HSPG2: variants seen among roughly 807,000 people sequenced by gnomAD.
HSPG2 encodes heparan sulfate proteoglycan 2, also known as basement membrane-specific heparan sulfate proteoglycan core protein.
HSPG2 carries 278 observed loss-of-function variants against 526.6 expected under a neutral mutation model. The ratio of observed to expected loss-of-function variants is 0.53; its 90% confidence interval spans 0.48 to 0.58. The LOEUF (loss-of-function observed/expected upper bound fraction) is 0.58, where lower values mean the gene tolerates loss of function less well. HSPG2 is among the 20% of genes least tolerant of loss of function. HSPG2 has a pLI of 0.00. For synonymous variants in HSPG2, 2,465 were observed against 2,555.4 expected, an observed-to-expected ratio of 0.96 and a Z score of 1.07; for missense variants, 5,354 against 6,099.5, an observed-to-expected ratio of 0.88 and a Z score of 4.07.
intron 39 of HSPG2, among the ~76,000 whole-genome samples, chr1:21,860,776 C>T (rs765983377): frequency 2.0e-5 from 3 of 152,214 alleles, no homozygotes; most frequent in Non-Finnish European, 2.9e-5. Context: ...TGAGCCACCA[C>T]GCCTGGCCAG....
At position 21,833,852 on chromosome 1, in the gene HSPG2, G is replaced by C; in HGVS notation, c.10794C>G (p.Ala3598=). The C allele has an allele frequency of 6.2e-7, 1 of 1,604,834 alleles. No individual in the cohort carries two copies. Among genetic ancestry groups the C allele is most frequent in the Non-Finnish European group, 8.5e-7 (1 of 1,175,612 alleles). ...TGATGTCAGGAGTGGGGTAGCCTGA[G>C]GCTATGCAGGGGAAGACAGCTGCAG... ...AGSAAVFPCI[A]SGYPTPDISW... The change falls in exon 78 of 97, where the codon GCC becomes GCG. Residue 3598 remains alanine, a synonymous_variant. Coordinates refer to ENST00000374695, the MANE Select transcript of HSPG2 (RefSeq NM_005529.7).
chr1:21,884,717 G>A lies in HSPG2; in HGVS notation c.1508-43C>T, dbSNP rs1476544065. 2.5e-6 allele frequency: 4 copies of A among 1,610,610 alleles called. No individual in the cohort carries two copies. In the African/African-American group the frequency reaches 5.3e-5, roughly 22 times the overall value. ...CGGGGGCTGCAGCCGGCTGTGGTGG[G>A]CAGCCCGGCTCTGCCCCCACACCCG... On this transcript the variant is annotated intron_variant, in intron 12 of 96. Transcript: ENST00000374695.
At chr1:21,911,047 G>T (rs1262354041) in intron 1 of HSPG2, among the ~76,000 whole-genome samples, 1 of 152,184 alleles carries the variant, frequency 6.6e-6, no homozygotes, top group African/African-American at 2.4e-5. Flanking sequence ...ACTGGGTGGG[G>T]AGCCAGGAGC....
rs117917442 is a variant in HSPG2, at chr1:21,865,078, G to A, written c.4396-5C>T. 3.5e-4 allele frequency: 553 copies of A among 1,560,918 alleles called. 9 individuals are homozygous for A. The East Asian group carries it at 0.012, about 34-fold the overall frequency. On this transcript the variant is annotated splice_polypyrimidine_tract_variant and splice_region_variant and intron_variant, in intron 35 of 96. Coordinates refer to ENST00000374695, the MANE Select transcript of HSPG2 (RefSeq NM_005529.7). The surrounding 1 kb of genome is among the most constrained non-coding windows in gnomAD (Gnocchi z 5.4). ...ATCGGGCCGGCGCCAGAATTCCTGG[G>A]TTGGGGGTGGCAACGTGGGCGGGGG...
At chr1:21,932,672 G>C (rs1013122310) in intron 1 of HSPG2, among the ~76,000 whole-genome samples, 1 of 152,214 alleles carries the variant, frequency 6.6e-6, no homozygotes. Context: ...ACCAGAAAGA[G>C]GGAGAGGGTC....
At chr1:21,918,831 G>A (rs893093618) in intron 1 of HSPG2, among the ~76,000 whole-genome samples, 11 of 152,212 alleles carry the variant, frequency 7.2e-5, no homozygotes, top group Non-Finnish European at 1.2e-4. Flanking sequence ...CATAGTCAGC[G>A]TTCTCCAAAT....
chr1:21,833,847 C>A lies in HSPG2; in HGVS notation c.10799G>T (p.Gly3600Val). 1 of 1,603,866 alleles carries A rather than the reference C, an allele frequency of 6.2e-7. No individual in the cohort carries two copies. Among genetic ancestry groups the A allele is most frequent in the Non-Finnish European group, 8.5e-7 (1 of 1,175,068 alleles). ...CCAGCTGATGTCAGGAGTGGGGTAG[C>A]CTGAGGCTATGCAGGGGAAGACAGC... The part of the protein sequence containing the change: ...SAAVFPCIAS[G>V]YPTPDISWSK... Residue 3600 changes from glycine to valine, a missense_variant, in exon 78 of 97, where the codon GGC becomes GTC. By Grantham distance (109) the Gly-to-Val change is moderately radical. Coordinates refer to ENST00000374695, the MANE Select transcript of HSPG2 (RefSeq NM_005529.7).
rs1640197750 is a variant in HSPG2, at chr1:21,865,936, G to A, written c.4222-127C>T. 2 of 729,062 alleles carry A rather than the reference G, an allele frequency of 2.7e-6. No individual in the cohort carries two copies. Among genetic ancestry groups the A allele is most frequent in the Non-Finnish European group, 2.4e-6 (1 of 409,768 alleles). 45.2% of individuals were successfully genotyped at this position (729,062 alleles called of 1,614,324 possible). A position where few individuals can be genotyped will look rare whatever the true frequency, so the allele number is the denominator to read the frequency against. Reference sequence around the variant, plus strand: ...GCCACACTCCCCCACCCCCCTCCCTGCCCAAACCAAGAGGCCAGGGTGCAT... The same window carrying A: ...GCCACACTCCCCCACCCCCCTCCCTACCCAAACCAAGAGGCCAGGGTGCAT... On this transcript the variant is annotated intron_variant, in intron 33 of 96. Coordinates refer to ENST00000374695, the MANE Select transcript of HSPG2 (RefSeq NM_005529.7). This position sits in a 1 kb window ranked among gnomAD's most constrained non-coding sequence, Gnocchi z 5.4.
At chr1:21,916,389 C>T (rs1442008602) in intron 1 of HSPG2, among the ~76,000 whole-genome samples, 1 of 151,974 alleles carries the variant, frequency 6.6e-6, no homozygotes, top group Non-Finnish European at 1.5e-5. Flanking sequence ...CCTGTAGTGC[C>T]AGATACTCGG....
Position 21,872,399 on chromosome 1 carries a change from G to A in HSPG2, c.4030-22C>T, listed in dbSNP as rs1381487776. 1 of 1,548,730 alleles carries A rather than the reference G, an allele frequency of 6.5e-7. No individual in the cohort carries two copies. Reference sequence around the variant, plus strand: ...AGATCTGGCAGGGGAAAAAGGAGGGGGCGTCAGCCTGAGCACCGGGGTGCC... The same window carrying A: ...AGATCTGGCAGGGGAAAAAGGAGGGAGCGTCAGCCTGAGCACCGGGGTGCC... On this transcript the variant is annotated intron_variant, in intron 32 of 96. Coordinates refer to ENST00000374695, the MANE Select transcript of HSPG2 (RefSeq NM_005529.7). This position sits in a 1 kb window ranked among gnomAD's most constrained non-coding sequence, Gnocchi z 5.5.
In HSPG2 at chr1:21,916,515, AAAAT is replaced by A. The variant is rs1203049043; in HGVS notation, c.64-20209_64-20206del. On this transcript the variant is annotated intron_variant, in intron 1 of 96. Transcript: ENST00000374695. ...GCGAGACTCTGTCTTAAAAAAAATA[AAAAT>A]AAATAAATAAATAACACAAAAAAAA... Among the ~76,000 whole-genome samples, 4 of 151,888 alleles carry A rather than the reference AAAAT, an allele frequency of 2.6e-5. No individual in the cohort carries two copies. The East Asian group carries it at 7.7e-4, about 29-fold the overall frequency.
chr1:21,855,082 C>T, intron 47 of HSPG2, 99 bp from the exon 48 acceptor site: 1 of 1,479,174 alleles, frequency 6.8e-7, no homozygotes, highest in Non-Finnish European at 9.3e-7. Context: ...GGTGCAGGGC[C>T]AATATTAGGG....
At chr1:21,876,084 C>T (rs765244106) in intron 23 of HSPG2, 42 bp from the exon 24 acceptor site, 30 of 1,607,892 alleles carry the variant, frequency 1.9e-5, no homozygotes, top group African/African-American at 2.7e-5. Flanking sequence ...GGCCTGAATT[C>T]GGGCCCTGTC....
rs1421562787 is a variant in HSPG2, at chr1:21,830,108, C to A, written c.11672-17G>T. On this transcript the variant is annotated splice_polypyrimidine_tract_variant and intron_variant, in intron 85 of 96. Transcript: ENST00000374695. ...CACAGGCCTCTGGGGGGCACATAGGCCAGTGAAAAGACACGGAGGTGACTC... is the reference window on the plus strand; with the variant it reads ...CACAGGCCTCTGGGGGGCACATAGGACAGTGAAAAGACACGGAGGTGACTC... The A allele has an allele frequency of 6.3e-7, 1 of 1,576,194 alleles. No homozygotes were observed. The highest frequency in any genetic ancestry group is 8.6e-7 in the Non-Finnish European group (1 of 1,161,646).
chr1:21,889,849 G>T, intron 6 of HSPG2, 132 bp downstream of exon 6: 2 of 908,432 alleles, frequency 2.2e-6, no homozygotes, highest in Non-Finnish European at 1.8e-6. Flanking sequence ...AGATCGATGG[G>T]GCAGACTCAG....
chr1:21,861,162 G>A (rs992314327), intron 39 of HSPG2, among the ~76,000 whole-genome samples: 8 of 152,210 alleles, frequency 5.3e-5, no homozygotes, highest in African/African-American at 1.9e-4. Flanking sequence ...AAGGGCTGGG[G>A]TGGAATCTGT....
At position 21,832,523 on chromosome 1, in the gene HSPG2, C is replaced by A. The variant is rs534160301; in HGVS notation, c.11179G>T (p.Gly3727Cys). The A allele has an allele frequency of 6.2e-7, 1 of 1,614,046 alleles. No individual in the cohort carries two copies. Among genetic ancestry groups the A allele is most frequent in the African/African-American group, 1.3e-5 (1 of 74,932 alleles). Residue 3727 changes from glycine to cysteine, a missense_variant, in exon 81 of 97, where the codon GGC becomes TGC. Gly to Cys is a radical substitution (Grantham distance 159). Coordinates refer to ENST00000374695, the MANE Select transcript of HSPG2 (RefSeq NM_005529.7). ...ANRQPDFISF[G>C]LVGGRPEFRF... ...AACTCGGGCCTTCCCCCCACGAGGC[C>A]GAAGGAGATGAAGTCGGGCTGCCGG...
Position 21,824,612 on chromosome 1 carries a change from C to T in HSPG2, c.12669G>A (p.Leu4223=), listed in dbSNP as rs750748476. ...GCTCGATGGTCTCGGGCACCTCGGG[C>T]AGGCTGCGGAGGAAGAGCGGGTGAG... is the stretch of plus-strand genomic sequence containing the variant. ...AFPGHVFSRS[L]PEVPETIELE... is the part of the protein sequence containing the mutation. The change falls in exon 93 of 97, where the codon CTG becomes CTA. Residue 4223 remains leucine (L), a synonymous_variant. Coordinates refer to ENST00000374695, the MANE Select transcript of HSPG2 (RefSeq NM_005529.7). The surrounding 1 kb of genome is among the most constrained non-coding windows in gnomAD (Gnocchi z 5.9). 26 of 1,614,090 alleles carry T rather than the reference C, an allele frequency of 1.6e-5. No individual in the cohort carries two copies. Among genetic ancestry groups the T allele is most frequent in the Non-Finnish European group, 2.2e-5 (26 of 1,180,042 alleles).
intron 86 of HSPG2, 25 bp from the exon 87 acceptor site, chr1:21,829,629 G>T: frequency 6.3e-7 from 1 of 1,587,084 alleles, no homozygotes; most frequent in South Asian, 1.1e-5. Context: ...GCTCAGCTGA[G>T]GCAGTGGGGA....
Sources: allele counts gnomAD v4.1 joint callset (sites outside exome capture counted in the v4.1 genomes callset), GRCh38; gene constraint gnomAD v4.1.1; non-coding constraint Gnocchi (gnomAD v3.1); transcripts MANE v1.5; gene names NCBI Gene and HGNC (gene_info 2026-07-23, HGNC 2026-07-21).